Variants in CDH4 observed in about 807,000 individuals in gnomAD.
CDH4 encodes the protein cadherin 4, also known as cadherin-4.
CDH4 carries 33 observed loss-of-function variants against 86.0 expected under a neutral mutation model. That is an observed-to-expected ratio of 0.38 (90% CI 0.29 to 0.51). The LOEUF (loss-of-function observed/expected upper bound fraction) is 0.51, where lower values mean the gene tolerates loss of function less well. CDH4 is among the 20% of genes least tolerant of loss of function. The pLI, the probability that CDH4 is intolerant of heterozygous loss-of-function variation, is 0.86. For missense variants in CDH4, 1,114 were observed against 1,307.4 expected, an observed-to-expected ratio of 0.85 and a Z score of 2.28; for synonymous variants, 555 against 549.4, an observed-to-expected ratio of 1.01 and a Z score of -0.14.
At chr20:61,530,326 G>C (rs954160203) in intron 2 of CDH4, among the ~76,000 whole-genome samples, 2 of 152,132 alleles carry the variant, frequency 1.3e-5, no homozygotes, top group Non-Finnish European at 2.9e-5. Context: ...CACTGCGCCC[G>C]GCCAGCATTA....
intron 1 of CDH4, 117 bp from the exon 2 acceptor site, chr20:61,254,709 C>T (rs2084088507): frequency 6.9e-6 from 5 of 726,756 alleles, no homozygotes; most frequent in Non-Finnish European, 1.2e-5. Flanking sequence ...GAGACGGTGG[C>T]CTGCCAGCCT....
At chr20:61,328,563 T>G (rs566042843) in intron 2 of CDH4, among the ~76,000 whole-genome samples, 1 of 152,296 alleles carries the variant, frequency 6.6e-6, no homozygotes, top group Non-Finnish European at 1.5e-5. Context: ...ACAAGAGGAT[T>G]GCTTGAGCCC....
At chr20:61,371,445 G>A (rs868500744) in intron 2 of CDH4, among the ~76,000 whole-genome samples, 2 of 152,206 alleles carry the variant, frequency 1.3e-5, no homozygotes, top group African/African-American at 4.8e-5. Flanking sequence ...CAGACGCTGC[G>A]GACGTGTTTT....
chr20:61,549,626 A>G (rs1005318834), intron 2 of CDH4, among the ~76,000 whole-genome samples: 2 of 152,118 alleles, frequency 1.3e-5, no homozygotes, highest in Non-Finnish European at 1.5e-5. Flanking sequence ...TCCCTCATCC[A>G]TTTCGGGAAA....
intron 9 of CDH4, among the ~76,000 whole-genome samples, chr20:61,917,539 G>A (rs1267886028): frequency 6.6e-6 from 1 of 152,254 alleles, no homozygotes; most frequent in East Asian, 1.9e-4. Flanking sequence ...GTCAGTTCAG[G>A]CAACTCCTCC....
In CDH4 at chr20:61,599,827, G is replaced by A. The variant is rs535482371; in HGVS notation, c.170-143736G>A. 5.1e-6 allele frequency: 5 copies of A among 985,634 alleles called. No individual in the cohort carries two copies. In the African/African-American group the frequency reaches 7.0e-5, roughly 14 times the overall value. 61.1% of individuals were successfully genotyped at this position (985,634 alleles called of 1,614,324 possible). A position where few individuals can be genotyped will look rare whatever the true frequency, so the allele number is the denominator to read the frequency against. ...TGATGCTGCCCCTTTCCTGTTCCTGGTTGAAGCTGAAGCCCGCTTCCCTTC... is the reference window on the plus strand; with the variant it reads ...TGATGCTGCCCCTTTCCTGTTCCTGATTGAAGCTGAAGCCCGCTTCCCTTC... On this transcript the variant is annotated intron_variant, in intron 2 of 15. Transcript: ENST00000614565.
intron 2 of CDH4, among the ~76,000 whole-genome samples, chr20:61,534,155 T>C (rs775641767): frequency 1.2e-4 from 18 of 152,202 alleles, no homozygotes; most frequent in Non-Finnish European, 2.6e-4. Context: ...AAATATTGAT[T>C]TTTGGAGGCA....
chr20:61,296,396 G>A (rs1020827345), intron 2 of CDH4, among the ~76,000 whole-genome samples: 4 of 151,840 alleles, frequency 2.6e-5, no homozygotes, highest in African/African-American at 9.7e-5. Context: ...TGCAGGCCAC[G>A]GGCCATGCTT....
intron 2 of CDH4, among the ~76,000 whole-genome samples, chr20:61,705,407 G>A (rs1216608704): frequency 7.9e-5 from 12 of 152,238 alleles, no homozygotes; most frequent in Admixed American, 1.3e-4. Flanking sequence ...CTTCATCTCT[G>A]GCTTCTGCGT....
chr20:61,845,118 C>G (rs1378035073), intron 5 of CDH4, among the ~76,000 whole-genome samples: 3 of 152,270 alleles, frequency 2.0e-5, no homozygotes, highest in African/African-American at 7.2e-5. Flanking sequence ...GTCCAGAAGG[C>G]CTCCATCCAC....
chr20:61,796,712 G>A (rs6142867), intron 4 of CDH4, among the ~76,000 whole-genome samples: 82,626 of 151,966 alleles, frequency 0.54, 23,144 homozygotes, highest in African/African-American at 0.68. Context: ...TGTGGAAGCC[G>A]CCCAGAGGTG....
chr20:61,605,044 G>T (rs2086631837), intron 2 of CDH4, among the ~76,000 whole-genome samples: 1 of 152,150 alleles, frequency 6.6e-6, no homozygotes. Flanking sequence ...GTGGAAGGCT[G>T]GCCTCTCGTG....
rs988393052 is a variant in CDH4, at chr20:61,708,313, C to A, written c.170-35250C>A. On this transcript the variant is annotated intron_variant, in intron 2 of 15. Transcript: ENST00000614565. This position sits in a 1 kb window ranked among gnomAD's most constrained non-coding sequence, Gnocchi z 4.5. ...ACCCCGCTGACTCAGACTCCCCGCCCCCCGCCTACCCCCAGCAGCTTGGTC... is the reference window on the plus strand; with the variant it reads ...ACCCCGCTGACTCAGACTCCCCGCCACCCGCCTACCCCCAGCAGCTTGGTC... 1.2e-4 allele frequency among the ~76,000 whole-genome samples: 19 copies of A among 152,024 alleles called. No individual in the cohort carries two copies. The highest frequency in any genetic ancestry group is 1.8e-4 in the Non-Finnish European group (12 of 67,988).
chr20:61,565,241 G>GGTGGT (rs1278281894), intron 2 of CDH4, among the ~76,000 whole-genome samples: 1 of 26,980 alleles, frequency 3.7e-5, no homozygotes, highest in Non-Finnish European at 6.1e-5. Context: ...TGGTGGTGGT[G>GGTGGT]GCGGTGCTCT....
chr20:61,324,302 C>A (rs1033241052), intron 2 of CDH4, among the ~76,000 whole-genome samples: 1 of 152,152 alleles, frequency 6.6e-6, no homozygotes, highest in East Asian at 1.9e-4. Flanking sequence ...GCATTAGTGT[C>A]CTGGGGCTGC....
chr20:61,882,664 T>TTCTCTAC (rs1984335058), intron 7 of CDH4, among the ~76,000 whole-genome samples: 1 of 152,072 alleles, frequency 6.6e-6, no homozygotes. Context: ...CTGTTTTCCC[T>TTCTCTAC]GCCGTAGAGA....
In CDH4 at chr20:61,934,157, GC is replaced by G; in HGVS notation, c.2485del (p.Gln829SerfsTer55). ...TGGATGAGCGGCCGGTGGGCGCTGA[GC>G]CCCAGTACCCGATCAGGCCCATGGT... Reference protein sequence around the residue: ...RVDERPVGAEPQYPIRPMVPH... With the variant: ...RVDERPVGAEXQYPIRPMVPH... On this transcript the variant is annotated frameshift_variant, in exon 15 of 16. Coordinates refer to ENST00000614565, the MANE Select transcript of CDH4 (RefSeq NM_001794.5). LOFTEE classifies it high-confidence loss of function. The G allele has an allele frequency of 6.2e-7, 1 of 1,608,656 alleles. No homozygotes were observed. The highest frequency in any genetic ancestry group is 8.5e-7 in the Non-Finnish European group (1 of 1,177,360).
intron 4 of CDH4, 111 bp downstream of exon 4, chr20:61,773,293 G>A (rs2088800039): frequency 1.9e-6 from 2 of 1,056,810 alleles, no homozygotes; most frequent in South Asian, 3.5e-5. Context: ...TGAGAAGGTC[G>A]CGATTTCACC....
At position 61,923,444 on chromosome 20, in the gene CDH4, G is replaced by T. The variant is rs1298202901; in HGVS notation, c.1375-7G>T. The T allele has an allele frequency of 1.6e-5, 26 of 1,613,856 alleles. No homozygotes were observed. The highest frequency in any genetic ancestry group is 1.9e-5 in the Non-Finnish European group (23 of 1,179,930). On this transcript the variant is annotated splice_polypyrimidine_tract_variant and splice_region_variant and intron_variant, in intron 9 of 15. Coordinates refer to ENST00000614565, the MANE Select transcript of CDH4 (RefSeq NM_001794.5). ...AGGTCACTCCCAGCCCTGATCTGTTGTTCCAGGCAGTCGACTACGAGCTCA... is the reference window on the plus strand; with the variant it reads ...AGGTCACTCCCAGCCCTGATCTGTTTTTCCAGGCAGTCGACTACGAGCTCA...
Sources: allele counts gnomAD v4.1 joint callset (sites outside exome capture counted in the v4.1 genomes callset), GRCh38; gene constraint gnomAD v4.1.1; non-coding constraint Gnocchi (gnomAD v3.1); transcripts MANE v1.5; gene names NCBI Gene and HGNC (gene_info 2026-07-23, HGNC 2026-07-21).